The following SYCP1 variants were observed in gnomAD, a reference collection of about 807,000 sequenced individuals.
SYCP1 encodes the protein synaptonemal complex protein 1, also known as cancer/testis antigen 8.
A neutral mutation model predicts 153.1 loss-of-function variants in SYCP1; 64 were observed. The ratio of observed to expected loss-of-function variants is 0.42; its 90% CI spans 0.34 to 0.51. SYCP1 has a LOEUF of 0.51. Ranked by LOEUF, SYCP1 falls within the 20% of genes least tolerant of loss-of-function variation. The probability of loss-of-function intolerance (pLI) is 0.06; values close to 1 mark genes in which losing one functional copy is unlikely to be tolerated. For synonymous variants in SYCP1, 384 were observed against 341.8 expected, an observed-to-expected ratio of 1.12 and a Z score of -1.36; for missense variants, 997 against 1,049.0, an observed-to-expected ratio of 0.95 and a Z score of 0.68.
chr1:114,961,570 G>A (rs1432529189), intron 27 of SYCP1, among the ~76,000 whole-genome samples: 1 of 152,162 alleles, frequency 6.6e-6, no homozygotes, highest in African/African-American at 2.4e-5. Flanking sequence ...AAGAATTTAA[G>A]AATTTCCATC....
chr1:114,929,998 T>C (rs1669521530), intron 23 of SYCP1, among the ~76,000 whole-genome samples: 1 of 152,076 alleles, frequency 6.6e-6, no homozygotes, highest in Admixed American at 6.6e-5. Flanking sequence ...ATATGTTCTC[T>C]CACTCCAGTA....
At chr1:114,879,237 T>C (rs1665749272) in intron 12 of SYCP1, among the ~76,000 whole-genome samples, 1 of 152,198 alleles carries the variant, frequency 6.6e-6, no homozygotes, top group Non-Finnish European at 1.5e-5. Flanking sequence ...ACCATGCACC[T>C]TCCAGAACAT....
intron 16 of SYCP1, among the ~76,000 whole-genome samples, chr1:114,901,457 G>A (rs191272122): frequency 6.6e-6 from 1 of 152,292 alleles, no homozygotes; most frequent in Admixed American, 6.5e-5. Context: ...AAGGCTCAGA[G>A]AAAGGAAAAT....
intron 8 of SYCP1, among the ~76,000 whole-genome samples, chr1:114,870,140 A>C (rs1461065369): frequency 6.6e-6 from 1 of 152,006 alleles, no homozygotes; most frequent in African/African-American, 2.4e-5. Flanking sequence ...CAGCCTCTTG[A>C]GTAGTGGGGA....
chr1:114,904,148 G>T (rs474584), intron 16 of SYCP1, among the ~76,000 whole-genome samples: 1 of 144,392 alleles, frequency 6.9e-6, no homozygotes. Flanking sequence ...ACGGAGTCTT[G>T]CTCTGTTGCC....
At chr1:114,864,896 G>A (rs1664631823) in intron 8 of SYCP1, among the ~76,000 whole-genome samples, 1 of 151,692 alleles carries the variant, frequency 6.6e-6, no homozygotes, top group South Asian at 2.1e-4. Flanking sequence ...AAGTTTTAGG[G>A]TACATGTGCA....
chr1:114,871,626 G>T (rs1665133217), intron 8 of SYCP1, among the ~76,000 whole-genome samples: 1 of 152,112 alleles, frequency 6.6e-6, no homozygotes, highest in Non-Finnish European at 1.5e-5. Flanking sequence ...AGGCTGGAGT[G>T]CAGTGGCATG....
chr1:114,929,402 A>C (rs1199995359), intron 23 of SYCP1, among the ~76,000 whole-genome samples: 1 of 152,118 alleles, frequency 6.6e-6, no homozygotes, highest in Non-Finnish European at 1.5e-5. Flanking sequence ...AAAGGCAGAA[A>C]TGGTCATGCT....
chr1:114,881,795 C>A (rs779925256), intron 12 of SYCP1, among the ~76,000 whole-genome samples: 1 of 152,172 alleles, frequency 6.6e-6, no homozygotes, highest in African/African-American at 2.4e-5. Context: ...AACCACCACG[C>A]CTGGCTTACT....
In SYCP1 at chr1:114,994,896, A is replaced by ATTGATACG; in HGVS notation, c.2808_2809insTTGATACG (p.Thr937LeufsTer10). The ATTGATACG allele has an allele frequency of 6.4e-7, 1 of 1,564,342 alleles. No individual in the cohort carries two copies. Among genetic ancestry groups the ATTGATACG allele is most frequent in the Non-Finnish European group, 8.7e-7 (1 of 1,155,424 alleles). ...TTTGTACTCAGGCCCCTTCATCTCT[A>ATTGATACG]ACAACCCCTGGATCTACACTGAAGT... On this transcript the variant is annotated frameshift_variant, in exon 32 of 32. Transcript: ENST00000369522. LOFTEE classifies it high-confidence loss of function.
rs146100111 is a variant in SYCP1 at position 114,880,202 on chromosome 1, A to G, written c.910+2000A>G. Among the ~76,000 whole-genome samples the G allele has an allele frequency of 2.6e-5, 4 of 152,340 alleles. No individual in the cohort carries two copies. The East Asian group carries it at 7.7e-4, about 29-fold the overall frequency. On this transcript the variant is annotated intron_variant, in intron 12 of 31. Transcript: ENST00000369522. ...ATGTTCACATTGTTATGCAACCATA[A>G]CCACCATCTTTCTTCTCCAAGAACT...
At chr1:114,854,140 T>G (rs1020152220), upstream of SYCP1, among the ~76,000 whole-genome samples, 4 of 150,244 alleles carry the variant, frequency 2.7e-5, no homozygotes, top group African/African-American at 9.7e-5. Context: ...TTCTCTCCTC[T>G]GTCTCCTCTC....
At chr1:114,928,726 T>C (rs1669424745) in intron 23 of SYCP1, among the ~76,000 whole-genome samples, 1 of 152,232 alleles carries the variant, frequency 6.6e-6, no homozygotes, top group African/African-American at 2.4e-5. Context: ...TATTTTGTTG[T>C]AGCATTTTTA....
chr1:114,962,730 G>A (rs1671859164), intron 27 of SYCP1, among the ~76,000 whole-genome samples: 1 of 151,928 alleles, frequency 6.6e-6, no homozygotes, highest in South Asian at 2.1e-4. Context: ...TGAATACCTT[G>A]ATTTTTTTTC....
At chr1:114,993,705 ATATTT>A (rs1056400372) in intron 30 of SYCP1, among the ~76,000 whole-genome samples, 15 of 151,658 alleles carry the variant, frequency 9.9e-5, no homozygotes, top group African/African-American at 3.6e-4. Context: ...TGACAACATT[ATATTT>A]ATTTCTTATT....
At chr1:114,878,295 T>C in intron 12 of SYCP1, 93 bp downstream of exon 12, 1 of 825,366 alleles carries the variant, frequency 1.2e-6, no homozygotes, top group Non-Finnish European at 1.9e-6. Flanking sequence ...GTTGTAATGC[T>C]TTCTAGTACT....
chr1:114,898,826 A>G (rs997494125), intron 16 of SYCP1, among the ~76,000 whole-genome samples: 3 of 152,354 alleles, frequency 2.0e-5, no homozygotes, highest in Admixed American at 6.5e-5. Context: ...GGAATCTCAG[A>G]TAAGACCTTT....
At chr1:114,861,799 C>CTTTTTTT (rs1334859101) in intron 8 of SYCP1, among the ~76,000 whole-genome samples, 1 of 129,876 alleles carries the variant, frequency 7.7e-6, no homozygotes. Context: ...TTTTTTTATT[C>CTTTTTTT]TTTTTTTTTT....
At chr1:114,895,328 C>T (rs1427822497) in intron 15 of SYCP1, 120 bp from the exon 16 acceptor site, 4 of 494,644 alleles carry the variant, frequency 8.1e-6, no homozygotes, top group Non-Finnish European at 1.4e-5. Context: ...TTACATTGCT[C>T]TAGTTGCATT....
Sources: allele counts gnomAD v4.1 joint callset (sites outside exome capture counted in the v4.1 genomes callset), GRCh38; gene constraint gnomAD v4.1.1; transcripts MANE v1.5; gene names NCBI Gene and HGNC (gene_info 2026-07-23, HGNC 2026-07-21).